Variants in OTOF observed in about 807,000 individuals in gnomAD.
OTOF encodes the protein otoferlin, also known as fer-1-like family member 2.
A neutral mutation model predicts 236.8 loss-of-function variants in OTOF; 218 were observed. That is an observed-to-expected ratio of 0.92 (90% CI 0.82 to 1.03). The LOEUF (loss-of-function observed/expected upper bound fraction) is 1.03, where lower values mean the gene tolerates loss of function less well. Ranked by LOEUF, OTOF falls within the 50% of genes least tolerant of loss-of-function variation. OTOF has a pLI of 0.00. For synonymous variants in OTOF, 1,041 were observed against 1,072.5 expected (o/e 0.97, Z 0.57); for missense variants, 2,590 against 2,694.4 (o/e 0.96, Z 0.86).
chr2:26,481,059 C>G (rs1173781416), intron 14 of OTOF, 50 bp from the exon 15 acceptor site: 1 of 1,446,844 alleles, frequency 6.9e-7, no homozygotes, highest in African/African-American at 1.4e-5. Context: ...TCCAGTTTCC[C>G]TGGGGAAGAG....
intron 5 of OTOF, 45 bp from the exon 6 acceptor site, chr2:26,503,890 TG>T (rs747113064): frequency 3.1e-5 from 47 of 1,540,574 alleles, no homozygotes; most frequent in Non-Finnish European, 3.4e-5. Flanking sequence ...GAGGGACGCA[TG>T]GAGGAAAACA....
At chr2:26,491,366 G>A (rs1665837116) in intron 9 of OTOF, among the ~76,000 whole-genome samples, 1 of 152,140 alleles carries the variant, frequency 6.6e-6, no homozygotes, top group African/African-American at 2.4e-5. Context: ...GACTGTGGAG[G>A]GGTGGAGGGA....
Position 26,460,372 on chromosome 2 carries a change from C to G in OTOF, c.5814-167G>C, listed in dbSNP as rs1263068024. On this transcript the variant is annotated intron_variant, in intron 45 of 46. Coordinates refer to ENST00000272371, the MANE Select transcript of OTOF (RefSeq NM_194248.3). The surrounding 1 kb of genome is among the most constrained non-coding windows in gnomAD (Gnocchi z 5.3). ...ATGGCCCCAGAGGCCACCACTGGAG[C>G]TGGCTCTTCTGCAAAAGCTAGGAAG... Among the ~76,000 whole-genome samples, 1 of 152,218 alleles carries G rather than the reference C, an allele frequency of 6.6e-6. No individual in the cohort carries two copies. The highest frequency in any genetic ancestry group is 1.5e-5 in the Non-Finnish European group (1 of 68,042).
chr2:26,463,861 G>A, intron 40 of OTOF, 103 bp downstream of exon 40: 4 of 1,479,170 alleles, frequency 2.7e-6, no homozygotes, highest in Non-Finnish European at 3.8e-6. Context: ...TTTCTGGAAT[G>A]CAGCGGACAG....
At chr2:26,492,079 G>A (rs1665863200) in intron 9 of OTOF, among the ~76,000 whole-genome samples, 1 of 152,156 alleles carries the variant, frequency 6.6e-6, no homozygotes. Context: ...AAGGAATGTG[G>A]CATAGAAAGA....
At chr2:26,458,987 G>T (rs898485785) in intron 46 of OTOF, among the ~76,000 whole-genome samples, 1 of 152,208 alleles carries the variant, frequency 6.6e-6, no homozygotes, top group African/African-American at 2.4e-5. Flanking sequence ...TATAAAATGG[G>T]GTTACAAGCA....
chr2:26,495,077 C>A lies in OTOF; in HGVS notation c.766-4G>T, dbSNP rs1275526444. On this transcript the variant is annotated splice_region_variant and splice_polypyrimidine_tract_variant and intron_variant, in intron 8 of 46. Coordinates refer to ENST00000272371, the MANE Select transcript of OTOF (RefSeq NM_194248.3). The stretch of plus-strand genomic sequence containing the variant: ...CCTCGATCACCGTGATGCTGACCTG[C>A]AGGCAGGAGAAGGGGGAGCCAGAAG... 1 of 1,614,058 alleles carries A rather than the reference C, an allele frequency of 6.2e-7. No individual in the cohort carries two copies. The highest frequency in any genetic ancestry group is 8.5e-7 in the Non-Finnish European group (1 of 1,180,002).
Position 26,499,491 on chromosome 2 carries a change from T to A in OTOF, c.765+2263A>T, listed in dbSNP as rs1235496854. 9.2e-5 allele frequency among the ~76,000 whole-genome samples: 14 copies of A among 152,172 alleles called. No homozygotes were observed. The East Asian group carries it at 2.7e-3, about 29-fold the overall frequency. ...GAAGTCGTATCTGGTTTTATTGCTT[T>A]TTATTATTTATTTATTTATTTTTAA... On this transcript the variant is annotated intron_variant, in intron 8 of 46. Coordinates refer to ENST00000272371, the MANE Select transcript of OTOF (RefSeq NM_194248.3).
At chr2:26,545,097 A>G (rs1667300224) in intron 1 of OTOF, among the ~76,000 whole-genome samples, 1 of 151,990 alleles carries the variant, frequency 6.6e-6, no homozygotes, top group African/African-American at 2.4e-5. Context: ...TTCTAAGGGG[A>G]TTGCATCATT....
intron 11 of OTOF, 35 bp from the exon 12 acceptor site, chr2:26,484,668 C>G: frequency 6.2e-7 from 1 of 1,609,544 alleles, no homozygotes; most frequent in East Asian, 2.2e-5. Context: ...GCACCAGACA[C>G]CCCCACCCAG....
At chr2:26,538,606 G>A (rs913509211) in intron 1 of OTOF, among the ~76,000 whole-genome samples, 1 of 152,190 alleles carries the variant, frequency 6.6e-6, no homozygotes, top group Non-Finnish European at 1.5e-5. Context: ...ATCGAGGGCA[G>A]GTCGAGGGGG....
chr2:26,551,399 G>A (rs1667459494), intron 1 of OTOF, among the ~76,000 whole-genome samples: 1 of 152,204 alleles, frequency 6.6e-6, no homozygotes, highest in African/African-American at 2.4e-5. Flanking sequence ...CCGGGCTCTA[G>A]GGGCCAACTA....
At chr2:26,552,117 C>T (rs1171375142) in intron 1 of OTOF, among the ~76,000 whole-genome samples, 1 of 149,236 alleles carries the variant, frequency 6.7e-6, no homozygotes, top group Non-Finnish European at 1.5e-5. Context: ...AGGCCAGGCA[C>T]AGTGGCTTAC....
rs1393801643 is a variant in OTOF, at chr2:26,490,165, C to T, written c.898-425G>A. Among the ~76,000 whole-genome samples the T allele has an allele frequency of 6.6e-5, 10 of 152,236 alleles. No individual in the cohort carries two copies. The South Asian group carries it at 1.7e-3, about 25-fold the overall frequency. On this transcript the variant is annotated intron_variant, in intron 9 of 46. Coordinates refer to ENST00000272371, the MANE Select transcript of OTOF (RefSeq NM_194248.3). ...TGTGAAATGGGGATAATGACACCCA[C>T]CTCAGAGTCTTGTTATGAGGCTCTG...
chr2:26,550,149 A>G (rs944473983), intron 1 of OTOF, among the ~76,000 whole-genome samples: 1 of 151,890 alleles, frequency 6.6e-6, no homozygotes, highest in Non-Finnish European at 1.5e-5. Context: ...CCACCTCAGC[A>G]GATTAGCCCT....
intron 1 of OTOF, among the ~76,000 whole-genome samples, chr2:26,544,327 T>C (rs1281086701): frequency 6.6e-6 from 1 of 152,220 alleles, no homozygotes; most frequent in Non-Finnish European, 1.5e-5. Flanking sequence ...TGTTCTCTCA[T>C]GTCCCTTTCC....
Position 26,483,649 on chromosome 2 carries a change from C to T in OTOF, c.1206-1G>A, listed in dbSNP as rs1665625477. The T allele has an allele frequency of 6.2e-7, 1 of 1,611,836 alleles. No individual in the cohort carries two copies. On this transcript the variant is annotated splice_acceptor_variant, in intron 12 of 46. Coordinates refer to ENST00000272371, the MANE Select transcript of OTOF (RefSeq NM_194248.3). LOFTEE classifies it high-confidence loss of function. ...CACCCCCTCGGGGAGCAGCAAGTTC[C>T]TGCCAGCACATACAGCCAGGGCCAT...
At chr2:26,496,481 C>T (rs191086807) in intron 8 of OTOF, among the ~76,000 whole-genome samples, 1 of 152,164 alleles carries the variant, frequency 6.6e-6, no homozygotes, top group East Asian at 1.9e-4. Context: ...CTCAGGTGAT[C>T]TGCCTGCCTT....
Position 26,461,566 on chromosome 2 carries a change from C to T in OTOF, c.5533+130G>A. ...GGGGGCGGAACCCCGTCGGACACCCCTGGCTCTGATGGACTGGAAGCAATG... is the reference window on the plus strand; with the variant it reads ...GGGGGCGGAACCCCGTCGGACACCCTTGGCTCTGATGGACTGGAAGCAATG... On this transcript the variant is annotated intron_variant, in intron 43 of 46. Coordinates refer to ENST00000272371, the MANE Select transcript of OTOF (RefSeq NM_194248.3). This position sits in a 1 kb window ranked among gnomAD's most constrained non-coding sequence, Gnocchi z 6.2. The T allele has an allele frequency of 7.6e-7, 1 of 1,317,480 alleles. No homozygotes were observed. Among genetic ancestry groups the T allele is most frequent in the Non-Finnish European group, 1.1e-6 (1 of 941,560 alleles). 81.6% of individuals were successfully genotyped at this position (1,317,480 alleles called of 1,614,324 possible). A position where few individuals can be genotyped will look rare whatever the true frequency, so the allele number is the denominator to read the frequency against.
Sources: gnomAD v4.1 joint callset for allele counts (sites outside exome capture counted in the v4.1 genomes callset) on GRCh38, gnomAD v4.1.1 for gene constraint, Gnocchi (gnomAD v3.1) non-coding constraint, MANE v1.5 for transcripts, NCBI Gene and HGNC (gene_info 2026-07-23, HGNC 2026-07-21) for gene names.